The following SNTG1 variants were observed in gnomAD, a reference collection of about 807,000 sequenced individuals.
SNTG1 encodes the protein gamma-1-syntrophin.
SNTG1 carries 39 observed loss-of-function variants against 74.7 expected under a neutral mutation model. The ratio of observed to expected loss-of-function variants is 0.52; its 90% CI spans 0.40 to 0.68. The LOEUF (loss-of-function observed/expected upper bound fraction) is 0.68. Ranked by LOEUF, SNTG1 falls within the 30% of genes least tolerant of loss-of-function variation. SNTG1 has a pLI of 0.00. For missense variants in SNTG1, 685 were observed against 609.5 expected, an observed-to-expected ratio of 1.12 and a Z score of -1.30; for synonymous variants, 254 against 217.1, an observed-to-expected ratio of 1.17 and a Z score of -1.49.
intron 9 of SNTG1, among the ~76,000 whole-genome samples, chr8:50,514,856 A>G (rs1036295589): frequency 6.6e-6 from 1 of 152,160 alleles, no homozygotes; most frequent in East Asian, 1.9e-4. Context: ...GTTGCTGTCT[A>G]TCCCTTTAAT....
chr8:50,045,517 T>C (rs892751953), intron 1 of SNTG1, among the ~76,000 whole-genome samples: 2 of 152,152 alleles, frequency 1.3e-5, no homozygotes, highest in Non-Finnish European at 2.9e-5. Flanking sequence ...ATCTCCAACA[T>C]TGGAGATTAC....
chr8:50,279,528 A>T (rs1191728473), intron 2 of SNTG1, among the ~76,000 whole-genome samples: 1 of 152,186 alleles, frequency 6.6e-6, no homozygotes, highest in East Asian at 1.9e-4. Context: ...CATTTATCAT[A>T]TATGTGTTTA....
intron 2 of SNTG1, among the ~76,000 whole-genome samples, chr8:50,364,002 T>C (rs948801458): frequency 1.3e-5 from 2 of 152,166 alleles, no homozygotes; most frequent in Admixed American, 6.5e-5. Context: ...GCCCTGCCCA[T>C]ATGCACCAAT....
intron 2 of SNTG1, among the ~76,000 whole-genome samples, chr8:50,178,816 T>A (rs1406015329): frequency 1.3e-5 from 2 of 152,218 alleles, no homozygotes; most frequent in African/African-American, 4.8e-5. Flanking sequence ...AGACACACTT[T>A]CCCTTACTAA....
chr8:49,917,624 GCT>G lies in SNTG1; in HGVS notation c.-103+5399_-103+5400del, dbSNP rs536254554. ...ATGCACATGGCTCTGATCAACTACCGCTCTCTCATTTCTCCAGATAAATCCCC... is the reference window on the plus strand; with the variant it reads ...ATGCACATGGCTCTGATCAACTACCGCTCTCATTTCTCCAGATAAATCCCC... On this transcript the variant is annotated intron_variant, in intron 1 of 18. Coordinates refer to ENST00000642720, the MANE Select transcript of SNTG1 (RefSeq NM_018967.5). 4.7e-3 allele frequency among the ~76,000 whole-genome samples: 720 copies of G among 152,192 alleles called. 5 individuals are homozygous for G. Among genetic ancestry groups the G allele is most frequent in the Non-Finnish European group, 6.6e-3 (447 of 68,012 alleles).
chr8:50,008,333 CA>C (rs1303731657), intron 1 of SNTG1, among the ~76,000 whole-genome samples: 1 of 152,120 alleles, frequency 6.6e-6, no homozygotes, highest in Non-Finnish European at 1.5e-5. Context: ...GGGCTGTTTC[CA>C]GGACTAAATG....
chr8:49,932,089 C>T (rs1306532286), intron 1 of SNTG1, among the ~76,000 whole-genome samples: 1 of 152,124 alleles, frequency 6.6e-6, no homozygotes, highest in African/African-American at 2.4e-5. Context: ...AGTAAGTCCT[C>T]TGCTCACCCT....
intron 8 of SNTG1, among the ~76,000 whole-genome samples, chr8:50,480,524 A>ACACAATCC (rs750018658): frequency 1.2e-4 from 18 of 152,200 alleles, no homozygotes; most frequent in Non-Finnish European, 1.9e-4. Context: ...ATGTAGCATC[A>ACACAATCC]CACAATCCAA....
At chr8:50,515,387 G>GTTTTT (rs34086906) in intron 9 of SNTG1, among the ~76,000 whole-genome samples, 8 of 80,386 alleles carry the variant, frequency 1.0e-4, no homozygotes, top group Non-Finnish European at 9.3e-5. Context: ...AGCTGCAGGA[G>GTTTTT]TTTTTTTTTT....
intron 9 of SNTG1, among the ~76,000 whole-genome samples, chr8:50,506,827 C>T (rs143189407): frequency 6.6e-6 from 1 of 152,100 alleles, no homozygotes; most frequent in Non-Finnish European, 1.5e-5. Context: ...TTGCTTCTGG[C>T]TAGAACTTTT....
chr8:50,586,471 C>T (rs1278011549), intron 12 of SNTG1, among the ~76,000 whole-genome samples: 2 of 152,150 alleles, frequency 1.3e-5, no homozygotes, highest in African/African-American at 4.8e-5. Context: ...CCTCATTCCC[C>T]TCTGCAGCCT....
chr8:50,687,222 CGA>C (rs2095356551), intron 15 of SNTG1, among the ~76,000 whole-genome samples: 1 of 148,154 alleles, frequency 6.7e-6, no homozygotes, highest in South Asian at 2.1e-4. Context: ...AGAAAGACAG[CGA>C]GAGATGAAAA....
chr8:50,490,665 T>G (rs571973379), intron 8 of SNTG1: 1 of 152,400 alleles, frequency 6.6e-6, no homozygotes, highest in South Asian at 2.1e-4. Flanking sequence ...TTGGAGGAAC[T>G]GCAGGGGCAG....
intron 1 of SNTG1, among the ~76,000 whole-genome samples, chr8:49,986,793 G>A (rs1401394008): frequency 6.6e-6 from 1 of 152,014 alleles, no homozygotes; most frequent in African/African-American, 2.4e-5. Flanking sequence ...AGGTGGGAGG[G>A]TCACATGAAC....
chr8:50,232,328 T>G (rs4443675), intron 2 of SNTG1, among the ~76,000 whole-genome samples: 135,976 of 151,292 alleles, frequency 0.9, 62,406 homozygotes, highest in East Asian at 1. Flanking sequence ...CATTATTTTA[T>G]CAGGCTAAAA....
intron 1 of SNTG1, among the ~76,000 whole-genome samples, chr8:50,152,062 T>A (rs563619282): frequency 6.6e-6 from 1 of 152,274 alleles, no homozygotes; most frequent in African/African-American, 2.4e-5. Context: ...TTTGTAGGTC[T>A]CTAAGGACTT....
At chr8:50,595,540 ATGTG>A (rs908443413) in intron 13 of SNTG1, among the ~76,000 whole-genome samples, 1 of 152,040 alleles carries the variant, frequency 6.6e-6, no homozygotes, top group African/African-American at 2.4e-5. Flanking sequence ...AAAGTTGTAT[ATGTG>A]TGTGTGTTGA....
intron 2 of SNTG1, among the ~76,000 whole-genome samples, chr8:50,209,296 C>T (rs1396261470): frequency 6.6e-6 from 1 of 152,196 alleles, no homozygotes; most frequent in Non-Finnish European, 1.5e-5. Context: ...CCTCTGGGGG[C>T]AGGGCATAGC....
intron 2 of SNTG1, among the ~76,000 whole-genome samples, chr8:50,312,176 A>T (rs775887069): frequency 2.0e-5 from 3 of 152,162 alleles, no homozygotes; most frequent in Admixed American, 2.0e-4. Flanking sequence ...TAAAAATTTA[A>T]TAGTAAATCC....
Sources: gnomAD v4.1 joint callset for allele counts (sites outside exome capture counted in the v4.1 genomes callset) on GRCh38, gnomAD v4.1.1 for gene constraint, MANE v1.5 for transcripts, NCBI Gene and HGNC (gene_info 2026-07-23, HGNC 2026-07-21) for gene names.